Variants in HTT observed in about 807,000 individuals in gnomAD.
The protein encoded by HTT is huntingtin, also known as huntington disease protein.
In HTT, 104 loss-of-function variants were observed where a neutral mutation model predicts 362.3. The ratio of observed to expected loss-of-function variants is 0.29; its 90% confidence interval spans 0.24 to 0.34. The LOEUF (loss-of-function observed/expected upper bound fraction) is 0.34. HTT is among the 10% of genes least tolerant of loss of function. The pLI, the probability that HTT is intolerant of heterozygous loss-of-function variation, is 1.00. For missense variants in HTT, 3,301 were observed against 3,928.6 expected, an observed-to-expected ratio of 0.84 and a Z score of 4.27; for synonymous variants, 1,577 against 1,548.7, an observed-to-expected ratio of 1.02 and a Z score of -0.43.
chr4:3,088,042 G>C (rs981859610), intron 2 of HTT, among the ~76,000 whole-genome samples: 2 of 152,086 alleles, frequency 1.3e-5, no homozygotes, highest in Admixed American at 1.3e-4. Context: ...TAGAGATGTT[G>C]GTCAGGCTGA....
At chr4:3,126,108 A>G (rs1252344664) in intron 11 of HTT, among the ~76,000 whole-genome samples, 1 of 152,198 alleles carries the variant, frequency 6.6e-6, no homozygotes, top group Non-Finnish European at 1.5e-5. Flanking sequence ...ACTGGAGTGC[A>G]GTGGTGTGCT....
intron 1 of HTT, among the ~76,000 whole-genome samples, chr4:3,075,652 G>GGA (rs1336976067): frequency 7.0e-6 from 1 of 143,106 alleles, no homozygotes; most frequent in Non-Finnish European, 1.5e-5. Context: ...CGGGGCAGGG[G>GGA]GGGGGCGGGG....
intron 40 of HTT, among the ~76,000 whole-genome samples, chr4:3,192,522 C>CATATTA (rs1440070609): frequency 2.0e-5 from 3 of 152,152 alleles, no homozygotes; most frequent in African/African-American, 7.2e-5. Context: ...ACCATAAACC[C>CATATTA]CTGAATGCTC....
intron 22 of HTT, among the ~76,000 whole-genome samples, 200 bp from the exon 23 acceptor site, chr4:3,142,566 G>T (rs914156747): frequency 1.3e-5 from 2 of 152,126 alleles, no homozygotes; most frequent in African/African-American, 4.8e-5. Flanking sequence ...AGTGTTCGGG[G>T]CAGACTGGGA....
In HTT at chr4:3,206,766, G is replaced by T. The variant is rs1490102196; in HGVS notation, c.5899-41G>T. ...AATTTTTAACTTTAATTTCTGATTT[G>T]CAAAATAGTCATCTTTTGTTCTTTT... On this transcript the variant is annotated intron_variant, in intron 43 of 66. Transcript: ENST00000355072. This position sits in a 1 kb window ranked among gnomAD's most constrained non-coding sequence, Gnocchi z 4.6. 2 of 1,588,748 alleles carry T rather than the reference G, an allele frequency of 1.3e-6. No individual in the cohort carries two copies. Among genetic ancestry groups the T allele is most frequent in the Non-Finnish European group, 1.7e-6 (2 of 1,165,484 alleles).
chr4:3,129,837 T>G (rs1454521737), intron 12 of HTT, 87 bp from the exon 13 acceptor site: 1 of 1,500,722 alleles, frequency 6.7e-7, no homozygotes, highest in African/African-American at 1.4e-5. Context: ...TAAAATGTGC[T>G]CTTTCCTCAT....
At chr4:3,221,297 G>A (rs1185619917) in intron 53 of HTT, among the ~76,000 whole-genome samples, 1 of 152,166 alleles carries the variant, frequency 6.6e-6, no homozygotes. Flanking sequence ...CACGCCAGCT[G>A]CCTCACGGAG....
At chr4:3,084,594 G>T (rs1713099154) in intron 1 of HTT, among the ~76,000 whole-genome samples, 2 of 151,788 alleles carry the variant, frequency 1.3e-5, no homozygotes, top group East Asian at 1.9e-4. Flanking sequence ...GGAGGCTGAG[G>T]CAAGAGAACT....
chr4:3,235,341 C>T lies in HTT; in HGVS notation c.8514C>T (p.Tyr2838=). Residue 2838 remains tyrosine (Y), a synonymous_variant, in exon 62 of 67, where the codon TAC becomes TAT. Coordinates refer to ENST00000355072, the MANE Select transcript of HTT (RefSeq NM_001388492.1). ...HVLVMCATAF[Y]LIENYPLDVG... Reference sequence around the variant, plus strand: ...TGGTCATGTGTGCCACTGCGTTTTACCTCATTGAGAACTATCCTCTGGACG... The same window carrying T: ...TGGTCATGTGTGCCACTGCGTTTTATCTCATTGAGAACTATCCTCTGGACG... 1.2e-6 allele frequency: 2 copies of T among 1,614,056 alleles called. No homozygotes were observed. The highest frequency in any genetic ancestry group is 1.3e-5 in the African/African-American group (1 of 75,046).
intron 48 of HTT, among the ~76,000 whole-genome samples, 173 bp from the exon 49 acceptor site, chr4:3,212,389 CAG>C (rs2110276430): frequency 6.6e-6 from 1 of 152,310 alleles, no homozygotes; most frequent in South Asian, 2.1e-4. Context: ...GGCCAGACCT[CAG>C]GGGAGATGCA....
At chr4:3,219,719 G>A (rs1720589287) in intron 52 of HTT, among the ~76,000 whole-genome samples, 1 of 152,206 alleles carries the variant, frequency 6.6e-6, no homozygotes, top group African/African-American at 2.4e-5. Context: ...TTCTGTGCAT[G>A]GCACTTGTCT....
At position 3,132,545 on chromosome 4, in the gene HTT, G is replaced by A. The variant is rs758823698; in HGVS notation, c.2237-17G>A. On this transcript the variant is annotated splice_polypyrimidine_tract_variant and intron_variant, in intron 16 of 66. Coordinates refer to ENST00000355072, the MANE Select transcript of HTT (RefSeq NM_001388492.1). ...TAGTAGGGAATTGTTCCATGGCTGA[G>A]CAATTTATCTCCACAGAGGAACAGT... 2.5e-6 allele frequency: 4 copies of A among 1,605,934 alleles called. No homozygotes were observed. Among genetic ancestry groups the A allele is most frequent in the Non-Finnish European group, 3.4e-6 (4 of 1,173,102 alleles).
At chr4:3,127,824 C>T (rs942333060) in intron 12 of HTT, among the ~76,000 whole-genome samples, 1 of 151,422 alleles carries the variant, frequency 6.6e-6, no homozygotes, top group South Asian at 2.1e-4. Context: ...ATTAGTTGGG[C>T]GTGGTGGCAC....
intron 44 of HTT, 100 bp downstream of exon 44, chr4:3,207,083 A>G (rs1463376443): frequency 3.3e-6 from 4 of 1,216,702 alleles, no homozygotes; most frequent in East Asian, 2.5e-5. Context: ...TGGTCTTGAC[A>G]TGGTCACCGA....
intron 11 of HTT, among the ~76,000 whole-genome samples, chr4:3,126,817 G>A (rs1343009244): frequency 6.6e-6 from 1 of 152,214 alleles, no homozygotes; most frequent in Non-Finnish European, 1.5e-5. Flanking sequence ...GATCTTGAAT[G>A]TGGCTTGGAA....
intron 22 of HTT, 91 bp from the exon 23 acceptor site, chr4:3,142,675 A>T: frequency 1.5e-6 from 1 of 655,458 alleles, no homozygotes. Context: ...AACTTTTTTT[A>T]ATCTTTAATC....
At chr4:3,140,012 T>C (rs985038236) in intron 21 of HTT, among the ~76,000 whole-genome samples, 11 of 152,014 alleles carry the variant, frequency 7.2e-5, no homozygotes, top group African/African-American at 2.2e-4. Context: ...TCCAGCACTA[T>C]GGGGGGCTGA....
At position 3,127,399 on chromosome 4, in the gene HTT, C is replaced by T. The variant is rs1055779360; in HGVS notation, c.1538C>T (p.Ala513Val). The T allele has an allele frequency of 1.2e-6, 2 of 1,614,144 alleles. No individual in the cohort carries two copies. Among genetic ancestry groups the T allele is most frequent in the Admixed American group, 1.7e-5 (1 of 60,028 alleles). Reference sequence around the variant, plus strand: ...CTGCAGGCGGACTCAGTGGATCTGGCCAGCTGTGACTTGACAAGCTCTGCC... The same window carrying T: ...CTGCAGGCGGACTCAGTGGATCTGGTCAGCTGTGACTTGACAAGCTCTGCC... Reference protein sequence around the residue: ...HTLQADSVDLASCDLTSSATD... With the variant: ...HTLQADSVDLVSCDLTSSATD... Residue 513 changes from alanine to valine, a missense_variant, in exon 12 of 67, where the codon GCC (alanine) becomes GTC (valine). By Grantham distance (64) the Ala-to-Val change is moderately conservative. This residue lies in a region of HTT where 2,316 missense variants were observed against 2,658.5 expected (regional missense o/e 0.87). Transcript: ENST00000355072.
intron 2 of HTT, among the ~76,000 whole-genome samples, chr4:3,098,766 A>G (rs1234021718): frequency 6.6e-6 from 1 of 152,232 alleles, no homozygotes; most frequent in African/African-American, 2.4e-5. Flanking sequence ...ACCGAAAGCA[A>G]GATTAAAAAG....
Sources: allele counts gnomAD v4.1 joint callset (sites outside exome capture counted in the v4.1 genomes callset), GRCh38; gene constraint gnomAD v4.1.1; regional missense constraint gnomAD v4.1.1; non-coding constraint Gnocchi (gnomAD v3.1); transcripts MANE v1.5; gene names NCBI Gene and HGNC (gene_info 2026-07-23, HGNC 2026-07-21).